Variants in SSPN observed in about 807,000 individuals in gnomAD.
SSPN encodes K-ras oncogene-associated protein.
A neutral mutation model predicts 19.1 loss-of-function variants in SSPN; 15 were observed. The ratio of observed to expected loss-of-function variants is 0.78; its 90% CI spans 0.52 to 1.21. SSPN has a LOEUF of 1.21. Ranked by LOEUF, SSPN falls within the 50% of genes most tolerant of loss-of-function variation. The pLI, the probability that SSPN is intolerant of heterozygous loss-of-function variation, is 0.00. For missense variants in SSPN, 291 were observed against 314.0 expected (o/e 0.93, Z 0.55); for synonymous variants, 147 against 140.3 (o/e 1.05, Z -0.34).
intron 2 of SSPN, among the ~76,000 whole-genome samples, chr12:26,228,147 G>A (rs1945195532): frequency 6.6e-6 from 1 of 152,114 alleles, no homozygotes; most frequent in Admixed American, 6.5e-5. Context: ...TGTAATCTCA[G>A]CACTTTGGGA....
chr12:26,183,600 G>A (rs1044501469), intron 1 of SSPN, among the ~76,000 whole-genome samples: 2 of 152,190 alleles, frequency 1.3e-5, no homozygotes, highest in Non-Finnish European at 2.9e-5. Context: ...AAGAAAATTA[G>A]AATTCAATCT....
chr12:26,151,665 T>C (rs1314625135), intron 1 of SSPN, among the ~76,000 whole-genome samples: 1 of 152,148 alleles, frequency 6.6e-6, no homozygotes, highest in Non-Finnish European at 1.5e-5. Flanking sequence ...CTAATTTACC[T>C]ATGCATGACA....
intron 1 of SSPN, among the ~76,000 whole-genome samples, chr12:26,155,717 G>C (rs889636169): frequency 1.3e-5 from 2 of 149,466 alleles, no homozygotes; most frequent in Non-Finnish European, 3.0e-5. Flanking sequence ...TAATGAATCA[G>C]GGGGACAAAA....
chr12:26,147,026 G>A (rs1445798995), intron 1 of SSPN, among the ~76,000 whole-genome samples: 4 of 152,008 alleles, frequency 2.6e-5, no homozygotes, highest in African/African-American at 7.2e-5. Context: ...ACAAGGATTC[G>A]GGTGCCTGAA....
At chr12:26,185,970 A>G (rs959090684) in intron 1 of SSPN, among the ~76,000 whole-genome samples, 2 of 152,202 alleles carry the variant, frequency 1.3e-5, no homozygotes, top group African/African-American at 2.4e-5. Flanking sequence ...TTGCTTGGCA[A>G]TATCAGGCAC....
At chr12:26,209,181 T>C (rs1427508221) in intron 1 of SSPN, among the ~76,000 whole-genome samples, 1 of 152,176 alleles carries the variant, frequency 6.6e-6, no homozygotes, top group African/African-American at 2.4e-5. Context: ...TATTTGAGTC[T>C]TCTCTAATGT....
At chr12:26,170,536 G>A (rs905677661) in intron 1 of SSPN, among the ~76,000 whole-genome samples, 5 of 152,122 alleles carry the variant, frequency 3.3e-5, no homozygotes, top group East Asian at 1.9e-4. Context: ...TATTGAAATC[G>A]TTTCAAGTAA....
At position 26,231,970 on chromosome 12, in the gene SSPN, C is replaced by T; in HGVS notation, c.*894C>T. 8 of 984,818 alleles carry T rather than the reference C, an allele frequency of 8.1e-6. No individual in the cohort carries two copies. Among genetic ancestry groups the T allele is most frequent in the Non-Finnish European group, 8.4e-6 (7 of 829,866 alleles). The allele number at this position is 984,818 out of a possible 1,614,324, so 61.0% of individuals were successfully genotyped here. A position where few individuals can be genotyped will look rare whatever the true frequency, so the allele number is the denominator to read the frequency against. On this transcript the variant is annotated 3_prime_UTR_variant, in exon 3 of 3. Transcript: ENST00000242729. Reference sequence around the variant, plus strand: ...AAATTACTCTCACAAGAGCAGAGGCCTGAAGATTCTTTCTTCTGAAAGCCA... The same window carrying T: ...AAATTACTCTCACAAGAGCAGAGGCTTGAAGATTCTTTCTTCTGAAAGCCA...
intron 1 of SSPN, among the ~76,000 whole-genome samples, chr12:26,162,379 T>C (rs1944594748): frequency 6.6e-6 from 1 of 152,214 alleles, no homozygotes; most frequent in Non-Finnish European, 1.5e-5. Flanking sequence ...TTCTGACACA[T>C]TTGCTATTCT....
At chr12:26,156,509 G>T (rs1202459526) in intron 1 of SSPN, among the ~76,000 whole-genome samples, 2 of 152,182 alleles carry the variant, frequency 1.3e-5, no homozygotes, top group African/African-American at 4.8e-5. Context: ...TGGCTGAAGA[G>T]GTCCCTCATC....
intron 1 of SSPN, among the ~76,000 whole-genome samples, chr12:26,183,178 G>A (rs180950355): frequency 1.2e-4 from 18 of 152,298 alleles, no homozygotes; most frequent in Admixed American, 9.8e-4. Flanking sequence ...AGAAACATGG[G>A]TGATTTGGAC....
Position 26,195,889 on chromosome 12 carries a change from C to G in SSPN, c.217C>G (p.Leu73Val), listed in dbSNP as rs1241157363. ...LGIAVTVVGFLMASISSSLLV... is the reference protein window; with the variant it reads ...LGIAVTVVGFVMASISSSLLV... ...CATCGCCGTGACCGTGGTGGGCTTC[C>G]TCATGGCGAGCATCAGCTCCTCCCT... The change falls in exon 1 of 3, where the codon CTC (leucine) becomes GTC (valine). Residue 73 changes from leucine (L) to valine (V), a missense_variant. Physicochemically the swap from Leu to Val is conservative, Grantham distance 32 (BLOSUM62 1). Coordinates refer to ENST00000242729, the MANE Select transcript of SSPN (RefSeq NM_005086.5). The G allele has an allele frequency of 6.3e-7, 1 of 1,577,640 alleles. No homozygotes were observed.
At chr12:26,205,912 T>C (rs1490267714) in intron 1 of SSPN, among the ~76,000 whole-genome samples, 1 of 152,220 alleles carries the variant, frequency 6.6e-6, no homozygotes. Flanking sequence ...CTTTGTCTCA[T>C]AATCTTTCCA....
intron 1 of SSPN, chr12:26,122,845 T>A: frequency 1.0e-5 from 16 of 1,575,954 alleles, no homozygotes; most frequent in Non-Finnish European, 1.0e-5. Context: ...CTGGGCTGAG[T>A]CCGCTGGATG....
chr12:26,213,229 T>G (rs984829445), intron 1 of SSPN, among the ~76,000 whole-genome samples: 2 of 152,004 alleles, frequency 1.3e-5, no homozygotes, highest in Admixed American at 1.3e-4. Flanking sequence ...AAGATTGGCA[T>G]TTCCTGGGTA....
At chr12:26,172,535 G>A (rs1944659744) in intron 1 of SSPN, among the ~76,000 whole-genome samples, 1 of 152,146 alleles carries the variant, frequency 6.6e-6, no homozygotes, top group Non-Finnish European at 1.5e-5. Context: ...CCTATTAGAT[G>A]CTAATCTATG....
intron 1 of SSPN, chr12:26,124,882 A>G: frequency 8.8e-7 from 1 of 1,138,964 alleles, no homozygotes; most frequent in Non-Finnish European, 1.3e-6. Context: ...GTGCGTCTCC[A>G]GTCTCTCTCT....
At chr12:26,124,804 G>A in intron 1 of SSPN, 1 of 1,613,668 alleles carries the variant, frequency 6.2e-7, no homozygotes, top group Non-Finnish European at 8.5e-7. Flanking sequence ...CGTTTCCTCT[G>A]TTTCGATTTT....
In SSPN at chr12:26,232,120, A is replaced by G. The variant is rs1380663872; in HGVS notation, c.*1044A>G. On this transcript the variant is annotated 3_prime_UTR_variant, in exon 3 of 3. Coordinates refer to ENST00000242729, the MANE Select transcript of SSPN (RefSeq NM_005086.5). ...GCACATTTGTGATATGTTGAAAAGC[A>G]TCTCTCTTGGCAACCAATCTATGTT... The G allele has an allele frequency of 3.0e-6, 3 of 985,366 alleles. No homozygotes were observed. Among genetic ancestry groups the G allele is most frequent in the Non-Finnish European group, 3.6e-6 (3 of 829,944 alleles). The allele number at this position is 985,366 out of a possible 1,614,324, so 61.0% of individuals were successfully genotyped here.
Sources: gnomAD v4.1 joint callset for allele counts (sites outside exome capture counted in the v4.1 genomes callset) on GRCh38, gnomAD v4.1.1 for gene constraint, MANE v1.5 for transcripts, NCBI Gene and HGNC (gene_info 2026-07-23, HGNC 2026-07-21) for gene names.